Variants in DLC1 observed in about 807,000 individuals in gnomAD.
DLC1 encodes DLC1 Rho GTPase activating protein.
Under a neutral mutation model 140.3 loss-of-function variants are expected in DLC1, and 54 were observed. The ratio of observed to expected loss-of-function variants is 0.38; its 90% CI spans 0.31 to 0.48. DLC1 has a LOEUF of 0.48. DLC1 is among the 20% of genes least tolerant of loss of function. The pLI, the probability that DLC1 is intolerant of heterozygous loss-of-function variation, is 0.96. For missense variants in DLC1, 2,536 were observed against 1,907.0 expected (o/e 1.33, Z -6.14); for synonymous variants, 986 against 728.1 (o/e 1.35, Z -5.70).
At position 13,587,724 on chromosome 8, in the gene DLC1, G is replaced by GTC. The variant is rs1234973239; in HGVS notation, c.-126+16811_-126+16812dup. On this transcript the variant is annotated intron_variant, in intron 1 of 1. Coordinates refer to the DLC1 transcript ENST00000631382. ...TGTTTACCTGGGAAGTAAAAATGAA[G>GTC]TCTTTTATTATATGTTGATATTTTA... Among the ~76,000 whole-genome samples the GTC allele has an allele frequency of 4.4e-4, 67 of 151,174 alleles. 1 individual carries two copies. Among genetic ancestry groups the GTC allele is most frequent in the Middle Eastern group, 6.9e-3 (2 of 288 alleles).
In DLC1 at chr8:13,102,839, A is replaced by G; in HGVS notation, c.1517T>C (p.Leu506Ser). The G allele has an allele frequency of 1.2e-6, 2 of 1,614,084 alleles. No homozygotes were observed. The highest frequency in any genetic ancestry group is 1.7e-6 in the Non-Finnish European group (2 of 1,179,982). ...IEALCRRLNT[L>S]NKCAVMKLEI... is the part of the protein sequence containing the mutation. ...TAGCTTCATCACCGCACATTTGTTTAAAGTATTTAGACGCCTATAGAGCAA... is the reference window on the plus strand; with the variant it reads ...TAGCTTCATCACCGCACATTTGTTTGAAGTATTTAGACGCCTATAGAGCAA... The change falls in exon 8 of 18, where the codon TTA becomes TCA. Residue 506 changes from leucine to serine, a missense_variant. Coordinates refer to ENST00000276297, the MANE Select transcript of DLC1 (RefSeq NM_182643.3).
intron 5 of DLC1, among the ~76,000 whole-genome samples, chr8:13,265,086 A>C (rs964519885): frequency 2.0e-5 from 3 of 152,242 alleles, no homozygotes; most frequent in African/African-American, 4.8e-5. Flanking sequence ...TATAGTAATA[A>C]AAGTTGTCAA....
intron 1 of DLC1, among the ~76,000 whole-genome samples, chr8:13,538,419 C>G (rs1270934096): frequency 2.6e-5 from 4 of 151,710 alleles, no homozygotes; most frequent in African/African-American, 4.8e-5. Context: ...AGACTGTATT[C>G]TTTACAGATG....
intron 5 of DLC1, among the ~76,000 whole-genome samples, chr8:13,267,923 AT>A (rs1393177431): frequency 1.3e-5 from 2 of 152,122 alleles, no homozygotes; most frequent in African/African-American, 4.8e-5. Flanking sequence ...TGTCTTGGTG[AT>A]TTTGATTGTC....
intron 1 of DLC1, among the ~76,000 whole-genome samples, chr8:13,576,940 G>A (rs564333791): frequency 6.6e-6 from 1 of 151,882 alleles, no homozygotes; most frequent in Non-Finnish European, 1.5e-5. Context: ...TAATATCTCT[G>A]ACTGCAAAGT....
At position 13,327,258 on chromosome 8, in the gene DLC1, C is replaced by T. The variant is rs192482647; in HGVS notation, c.1315-21956G>A. On this transcript the variant is annotated intron_variant, in intron 4 of 17. Transcript: ENST00000276297. ...AAAGTGCTGGGATTACAGGCGTGAGCCACTGCGCCCGGCCCCACTTGCAGT... is the reference window on the plus strand; with the variant it reads ...AAAGTGCTGGGATTACAGGCGTGAGTCACTGCGCCCGGCCCCACTTGCAGT... Among the ~76,000 whole-genome samples, 7 of 151,394 alleles carry T rather than the reference C, an allele frequency of 4.6e-5. No homozygotes were observed. In the South Asian group the frequency reaches 6.3e-4, roughly 14 times the overall value.
rs141452374 is a variant in DLC1 at position 13,497,612 on chromosome 8, G to T, written c.1023+1437C>A. Among the ~76,000 whole-genome samples the T allele has an allele frequency of 4.5e-3, 685 of 152,310 alleles. 2 individuals carry two copies. Among genetic ancestry groups the T allele is most frequent in the Non-Finnish European group, 7.3e-3 (496 of 68,016 alleles). On this transcript the variant is annotated intron_variant, in intron 2 of 17. Transcript: ENST00000276297. ...ATAAATGTTCAAGTGGTGAGTATAT[G>T]TTTCTGGAATGTTTAATGTTTCCAT...
chr8:13,205,563 T>C (rs1827619648), intron 5 of DLC1, among the ~76,000 whole-genome samples: 1 of 152,134 alleles, frequency 6.6e-6, no homozygotes, highest in Admixed American at 6.6e-5. Flanking sequence ...AGAAGAATTG[T>C]CTTGGGCCAG....
intron 5 of DLC1, among the ~76,000 whole-genome samples, chr8:13,151,445 G>C (rs1007299958): frequency 1.3e-5 from 2 of 152,154 alleles, no homozygotes; most frequent in Non-Finnish European, 2.9e-5. Flanking sequence ...GTAAACAGTA[G>C]AACTGAGACT....
At position 13,435,359 on chromosome 8, in the gene DLC1, G is replaced by C. The variant is rs186045186; in HGVS notation, c.1024-33740C>G. On this transcript the variant is annotated intron_variant, in intron 2 of 17. Coordinates refer to ENST00000276297, the MANE Select transcript of DLC1 (RefSeq NM_182643.3). ...ACAGAGTTTCACTCTTGTTGCCCAGGCTGGAGTGCAATGGCTCGATCTCGG... is the reference window on the plus strand; with the variant it reads ...ACAGAGTTTCACTCTTGTTGCCCAGCCTGGAGTGCAATGGCTCGATCTCGG... Among the ~76,000 whole-genome samples the C allele has an allele frequency of 2.8e-3, 421 of 152,240 alleles. 1 individual carries two copies. The highest frequency in any genetic ancestry group is 9.8e-3 in the African/African-American group (409 of 41,552).
At chr8:13,417,148 T>G (rs1303482879) in intron 2 of DLC1, among the ~76,000 whole-genome samples, 1 of 152,082 alleles carries the variant, frequency 6.6e-6, no homozygotes, top group Non-Finnish European at 1.5e-5. Context: ...ACGATGGGAT[T>G]TTTAGGAAGA....
In DLC1 at chr8:13,601,164, C is replaced by T. The variant is rs375585237; in HGVS notation, c.-126+3373G>A. 2.2e-4 allele frequency among the ~76,000 whole-genome samples: 34 copies of T among 151,746 alleles called. No individual in the cohort carries two copies. The South Asian group carries it at 6.0e-3, about 27-fold the overall frequency. On this transcript the variant is annotated intron_variant, in intron 1 of 1. Coordinates refer to the DLC1 transcript ENST00000631382. ...CAGTTCTAACATAATACTCAGTCTG[C>T]GGTGTCAAGGAGTTCTAATACAATA...
chr8:13,088,731 C>T (rs112501210), intron 15 of DLC1, 27 bp from the exon 16 acceptor site: 8 of 1,609,200 alleles, frequency 5.0e-6, no homozygotes, highest in African/African-American at 4.0e-5. Context: ...TTTTTCAGTG[C>T]CAAGGCAATC....
chr8:13,298,293 C>T (rs1182819670), intron 5 of DLC1, among the ~76,000 whole-genome samples: 1 of 152,158 alleles, frequency 6.6e-6, no homozygotes, highest in Non-Finnish European at 1.5e-5. Flanking sequence ...CAATGGCCCC[C>T]TTTACACGTT....
At chr8:13,487,482 T>C (rs1335669387) in intron 2 of DLC1, among the ~76,000 whole-genome samples, 2 of 152,190 alleles carry the variant, frequency 1.3e-5, no homozygotes, top group Non-Finnish European at 2.9e-5. Context: ...CACTCCAAGT[T>C]TGTCCCATAA....
chr8:13,268,605 A>T (rs1439667426), intron 5 of DLC1, among the ~76,000 whole-genome samples: 1 of 152,068 alleles, frequency 6.6e-6, no homozygotes, highest in Non-Finnish European at 1.5e-5. Flanking sequence ...GGTGTCTTGA[A>T]CTCATGGCTT....
chr8:13,297,167 C>A (rs1032988314), intron 5 of DLC1, among the ~76,000 whole-genome samples: 1 of 149,772 alleles, frequency 6.7e-6, no homozygotes, highest in African/African-American at 2.5e-5. Flanking sequence ...TCAACCACAG[C>A]CAACTTTTCA....
At chr8:13,137,005 T>G (rs1822612148) in intron 5 of DLC1, among the ~76,000 whole-genome samples, 1 of 152,238 alleles carries the variant, frequency 6.6e-6, no homozygotes, top group Non-Finnish European at 1.5e-5. Flanking sequence ...AACCATTTAT[T>G]AATGTTAGCC....
chr8:13,508,542 T>A (rs1802213719), intron 1 of DLC1, among the ~76,000 whole-genome samples: 1 of 151,854 alleles, frequency 6.6e-6, no homozygotes, highest in African/African-American at 2.4e-5. Flanking sequence ...TTCAGCCTCC[T>A]CAGTAACTGG....
Sources: gnomAD v4.1 joint callset for allele counts (sites outside exome capture counted in the v4.1 genomes callset) on GRCh38, gnomAD v4.1.1 for gene constraint, MANE v1.5 for transcripts, NCBI Gene and HGNC (gene_info 2026-07-23, HGNC 2026-07-21) for gene names.